The following FAM114A1 variants were observed in gnomAD, a reference collection of about 807,000 sequenced individuals.
The protein encoded by FAM114A1 is family with sequence similarity 114 member A1.
Under a neutral mutation model 64.3 loss-of-function variants are expected in FAM114A1, and 62 were observed. That is an observed-to-expected ratio of 0.96 (90% CI 0.79 to 1.19). FAM114A1 has a LOEUF of 1.19. Ranked by LOEUF, FAM114A1 falls within the 50% of genes most tolerant of loss-of-function variation. The pLI is 0.00. For synonymous variants in FAM114A1, 254 were observed against 251.1 expected, an observed-to-expected ratio of 1.01 and a Z score of -0.11; for missense variants, 645 against 676.3, an observed-to-expected ratio of 0.95 and a Z score of 0.51.
chr4:38,925,786 A>G (rs1720043581), intron 9 of FAM114A1, among the ~76,000 whole-genome samples: 1 of 152,200 alleles, frequency 6.6e-6, no homozygotes, highest in Non-Finnish European at 1.5e-5. Flanking sequence ...GGCCATGTGT[A>G]CAGACCAAGA....
At chr4:38,940,245 A>T (rs780516248) in intron 13 of FAM114A1, among the ~76,000 whole-genome samples, 63 of 151,974 alleles carry the variant, frequency 4.1e-4, no homozygotes, top group South Asian at 4.1e-4. Context: ...TCTCTGCTTT[A>T]TGTATATTTG....
intron 7 of FAM114A1, among the ~76,000 whole-genome samples, chr4:38,912,565 G>C (rs1718657104): frequency 6.6e-6 from 1 of 152,072 alleles, no homozygotes; most frequent in Non-Finnish European, 1.5e-5. Flanking sequence ...TGAATTTTTA[G>C]TAGAGACAGG....
chr4:38,913,609 C>T (rs1176194435), intron 7 of FAM114A1, among the ~76,000 whole-genome samples: 1 of 151,176 alleles, frequency 6.6e-6, no homozygotes, highest in Non-Finnish European at 1.5e-5. Context: ...AGGCTGGTCT[C>T]GAACTCCTGA....
At chr4:38,876,169 CTTTTTT>C (rs1163508013) in intron 2 of FAM114A1, among the ~76,000 whole-genome samples, 3 of 69,080 alleles carry the variant, frequency 4.3e-5, no homozygotes, top group African/African-American at 1.3e-4. Context: ...ATTCTTTTTT[CTTTTTT>C]TTTTTTTTTT....
intron 3 of FAM114A1, among the ~76,000 whole-genome samples, chr4:38,878,796 A>G (rs1416970151): frequency 1.3e-5 from 2 of 152,192 alleles, no homozygotes; most frequent in Admixed American, 6.5e-5. Context: ...GTCCTGGGCT[A>G]CTTGGTTGTA....
At chr4:38,876,400 G>A (rs1714641385) in intron 2 of FAM114A1, among the ~76,000 whole-genome samples, 1 of 151,794 alleles carries the variant, frequency 6.6e-6, no homozygotes, top group Non-Finnish European at 1.5e-5. Context: ...TGAACTCCTG[G>A]CCTCATGTGA....
chr4:38,879,313 C>A (rs1036855048), intron 3 of FAM114A1, among the ~76,000 whole-genome samples: 1 of 152,184 alleles, frequency 6.6e-6, no homozygotes, highest in African/African-American at 2.4e-5. Flanking sequence ...ACAGATCACC[C>A]CCTTGAGGTG....
At chr4:38,939,645 G>A (rs1332956700) in intron 13 of FAM114A1, among the ~76,000 whole-genome samples, 3 of 152,272 alleles carry the variant, frequency 2.0e-5, no homozygotes, top group Non-Finnish European at 4.4e-5. Flanking sequence ...GTAGAGTAAC[G>A]TCAATGAAAG....
At chr4:38,873,283 A>T (rs1368418087) in intron 2 of FAM114A1, among the ~76,000 whole-genome samples, 2 of 152,248 alleles carry the variant, frequency 1.3e-5, no homozygotes, top group Non-Finnish European at 2.9e-5. Flanking sequence ...ACACAAATAC[A>T]TTCTAACTCA....
intron 10 of FAM114A1, among the ~76,000 whole-genome samples, 191 bp from the exon 11 acceptor site, chr4:38,931,260 A>G (rs753993453): frequency 6.6e-6 from 1 of 151,776 alleles, no homozygotes; most frequent in Non-Finnish European, 1.5e-5. Context: ...CCTCTTTTCT[A>G]CTTTATATTT....
chr4:38,869,611 G>A (rs1026823530), intron 2 of FAM114A1, among the ~76,000 whole-genome samples: 15 of 152,258 alleles, frequency 9.9e-5, no homozygotes. Flanking sequence ...GCCTGGGTAC[G>A]TAGACTTGTC....
At chr4:38,905,420 GAT>G (rs1717897296) in intron 4 of FAM114A1, 100 bp from the exon 5 acceptor site, 2 of 813,416 alleles carry the variant, frequency 2.5e-6, no homozygotes, top group Admixed American at 2.4e-5. Flanking sequence ...AAAAAAGAAA[GAT>G]GTACTTCTGC....
chr4:38,908,832 T>A, intron 7 of FAM114A1, 106 bp downstream of exon 7: 1 of 1,169,550 alleles, frequency 8.6e-7, no homozygotes, highest in Non-Finnish European at 1.2e-6. Context: ...TCAAATCAAA[T>A]GACACCAAAG....
rs1283830563 is a variant in FAM114A1 at position 38,935,746 on chromosome 4, G to T, written c.1492G>T (p.Ala498Ser). The T allele has an allele frequency of 1.2e-6, 2 of 1,611,740 alleles. No homozygotes were observed. Among genetic ancestry groups the T allele is most frequent in the Non-Finnish European group, 1.7e-6 (2 of 1,178,510 alleles). The change falls in exon 13 of 15, where the codon GCC becomes TCC. Residue 498 changes from alanine (A) to serine (S), a missense_variant. Transcript: ENST00000358869. ...KLTTAMCNEV[A>S]SLSKKFTNSL... ...AACTACTGCAATGTGCAATGAAGTG[G>T]CCTCTTTATCAAAGAAGTTTACGAA...
At chr4:38,885,025 A>C (rs1386840009) in intron 3 of FAM114A1, among the ~76,000 whole-genome samples, 1 of 152,202 alleles carries the variant, frequency 6.6e-6, no homozygotes, top group African/African-American at 2.4e-5. Flanking sequence ...GCCAGGCTGG[A>C]GTGCAGTGGC....
chr4:38,900,471 A>G (rs1717410062), intron 4 of FAM114A1, among the ~76,000 whole-genome samples: 1 of 152,244 alleles, frequency 6.6e-6, no homozygotes, highest in Non-Finnish European at 1.5e-5. Flanking sequence ...ATTATTCACA[A>G]TAGCTAAAAC....
At chr4:38,903,521 A>G (rs1167645363) in intron 4 of FAM114A1, among the ~76,000 whole-genome samples, 1 of 152,190 alleles carries the variant, frequency 6.6e-6, no homozygotes, top group Non-Finnish European at 1.5e-5. Flanking sequence ...CGAGAATCAT[A>G]GGTTGAGATT....
At chr4:38,872,970 G>T (rs1714230976) in intron 2 of FAM114A1, among the ~76,000 whole-genome samples, 1 of 152,158 alleles carries the variant, frequency 6.6e-6, no homozygotes, top group South Asian at 2.1e-4. Flanking sequence ...TCAGAGAGAG[G>T]TTTTCACAAA....
intron 8 of FAM114A1, among the ~76,000 whole-genome samples, chr4:38,921,638 T>C (rs1341664590): frequency 2.6e-5 from 4 of 152,156 alleles, no homozygotes; most frequent in African/African-American, 9.7e-5. Context: ...AGGGAAGACG[T>C]CAGTCCCAGC....
Sources: allele counts gnomAD v4.1 joint callset (sites outside exome capture counted in the v4.1 genomes callset), GRCh38; gene constraint gnomAD v4.1.1; transcripts MANE v1.5; gene names NCBI Gene and HGNC (gene_info 2026-07-23, HGNC 2026-07-21).